Variants in SPACA1 observed in about 807,000 individuals in gnomAD.
SPACA1 encodes the protein sperm acrosome associated 1, also known as sperm acrosome membrane-associated protein 1.
A neutral mutation model predicts 32.6 loss-of-function variants in SPACA1; 17 were observed. The ratio of observed to expected loss-of-function variants is 0.52; its 90% CI spans 0.36 to 0.78. The LOEUF is 0.78. SPACA1 is among the 30% of genes least tolerant of loss of function. The pLI, the probability that SPACA1 is intolerant of heterozygous loss-of-function variation, is 0.01. For missense variants in SPACA1, 363 were observed against 373.4 expected, an observed-to-expected ratio of 0.97 and a Z score of 0.23; for synonymous variants, 140 against 138.1, an observed-to-expected ratio of 1.01 and a Z score of -0.10.
chr6:88,064,257 A>G (rs1340520858), intron 6 of SPACA1, 38 bp downstream of exon 6: 5 of 1,587,526 alleles, frequency 3.1e-6, no homozygotes, highest in African/African-American at 2.7e-5. Context: ...CCCTTGATTG[A>G]CATCCTCTTC....
At chr6:88,053,448 T>A (rs1455584433) in intron 1 of SPACA1, among the ~76,000 whole-genome samples, 1 of 152,204 alleles carries the variant, frequency 6.6e-6, no homozygotes. Context: ...TGAAATAAAT[T>A]CTTAGAAATA....
chr6:88,059,538 A>G lies in SPACA1; in HGVS notation c.560A>G (p.Asp187Gly), dbSNP rs1226571776. ...HPLAFECDTL[D>G]NNEIVATIKF... ...TTGGCTTTCGAGTGTGACACACTGG[A>G]TAATAATGAAATAGTAGCAACTATT... is the stretch of plus-strand genomic sequence containing the variant. Residue 187 changes from aspartate (D) to glycine (G), a missense_variant, in exon 5 of 7, where the codon GAT becomes GGT. Transcript: ENST00000237201. 6.2e-7 allele frequency: 1 copy of G among 1,613,724 alleles called. No individual in the cohort carries two copies. Among genetic ancestry groups the G allele is most frequent in the Non-Finnish European group, 8.5e-7 (1 of 1,179,816 alleles).
chr6:88,054,772 A>G (rs1194991256), intron 2 of SPACA1, among the ~76,000 whole-genome samples: 1 of 152,182 alleles, frequency 6.6e-6, no homozygotes, highest in Non-Finnish European at 1.5e-5. Context: ...GTCAAAAATT[A>G]CACCTGAATT....
intron 1 of SPACA1, among the ~76,000 whole-genome samples, chr6:88,053,188 T>A (rs1361435371): frequency 6.6e-6 from 1 of 152,230 alleles, no homozygotes; most frequent in Non-Finnish European, 1.5e-5. Context: ...TCCAGTTCGA[T>A]GTGTTTTCCA....
intron 2 of SPACA1, among the ~76,000 whole-genome samples, chr6:88,056,760 G>A (rs1324178362): frequency 1.3e-5 from 2 of 152,078 alleles, no homozygotes; most frequent in South Asian, 4.2e-4. Flanking sequence ...TCTTAACATG[G>A]GACACGGTTC....
At chr6:88,049,600 A>C (rs1334706544) in intron 1 of SPACA1, among the ~76,000 whole-genome samples, 1 of 152,216 alleles carries the variant, frequency 6.6e-6, no homozygotes, top group Non-Finnish European at 1.5e-5. Context: ...ATCCCCATTT[A>C]CTATCCAGTG....
At chr6:88,047,382 A>C (rs764490919), upstream of SPACA1, among the ~76,000 whole-genome samples, 4 of 152,236 alleles carry the variant, frequency 2.6e-5, no homozygotes, top group Non-Finnish European at 4.4e-5. Flanking sequence ...AATCCTTCTC[A>C]ATACATCCCA....
rs763340467 is a variant in SPACA1, at chr6:88,059,441, C to G, written c.475-12C>G. 3 of 1,571,982 alleles carry G rather than the reference C, an allele frequency of 1.9e-6. No homozygotes were observed. In the South Asian group the frequency reaches 3.6e-5, roughly 19 times the overall value. Reference sequence around the variant, plus strand: ...AATGTTGATACTTTGTTATTTTTTTCTTTTTAAATAGCAATCCATTATACT... The same window carrying G: ...AATGTTGATACTTTGTTATTTTTTTGTTTTTAAATAGCAATCCATTATACT... On this transcript the variant is annotated splice_polypyrimidine_tract_variant and intron_variant, in intron 4 of 6. Transcript: ENST00000237201.
intron 2 of SPACA1, among the ~76,000 whole-genome samples, chr6:88,056,075 G>A (rs960739401): frequency 2.8e-4 from 43 of 152,236 alleles, no homozygotes; most frequent in African/African-American, 1.0e-3. Flanking sequence ...ACGCTTTCAG[G>A]TTGGCCGTGG....
At chr6:88,049,074 G>C (rs1452669091) in intron 1 of SPACA1, among the ~76,000 whole-genome samples, 1 of 152,164 alleles carries the variant, frequency 6.6e-6, no homozygotes, top group African/African-American at 2.4e-5. Flanking sequence ...AACTGTCTGA[G>C]GTTAACAGTG....
At chr6:88,057,820 T>C (rs1464491633) in intron 3 of SPACA1, 107 bp downstream of exon 3, 1 of 759,036 alleles carries the variant, frequency 1.3e-6, no homozygotes, top group Non-Finnish European at 2.3e-6. Context: ...CCAGTTGACA[T>C]ACTCAAAGGA....
At chr6:88,052,841 A>G (rs1333895104) in intron 1 of SPACA1, among the ~76,000 whole-genome samples, 2 of 152,174 alleles carry the variant, frequency 1.3e-5, no homozygotes, top group Non-Finnish European at 2.9e-5. Context: ...TCTCGGAAAA[A>G]CAAAAACAAA....
At position 88,058,746 on chromosome 6, in the gene SPACA1, G is replaced by A; in HGVS notation, c.398G>A (p.Ser133Asn). ...AAACCAATTTCAGAAAGTCTTGAAA[G>A]TGTTAGATTGGCATGTATTCACACA... Reference protein sequence around the residue: ...WGKPISESLESVRLACIHTSP... With the variant: ...WGKPISESLENVRLACIHTSP... Residue 133 changes from serine to asparagine, a missense_variant, in exon 4 of 7, where the codon AGT (serine) becomes AAT (asparagine). Coordinates refer to ENST00000237201, the MANE Select transcript of SPACA1 (RefSeq NM_030960.3). 2 of 1,613,702 alleles carry A rather than the reference G, an allele frequency of 1.2e-6. No individual in the cohort carries two copies. The highest frequency in any genetic ancestry group is 1.7e-6 in the Non-Finnish European group (2 of 1,179,842).
In SPACA1 at chr6:88,059,648, C is replaced by T. The variant is rs1775862966; in HGVS notation, c.610+60C>T. ...GCCAATCTTTAAAGAGCATTAAAAT[C>T]ACTTAGAGGCTTGTTAAAACACCAG... On this transcript the variant is annotated intron_variant, in intron 5 of 6. Coordinates refer to ENST00000237201, the MANE Select transcript of SPACA1 (RefSeq NM_030960.3). 10 of 1,486,086 alleles carry T rather than the reference C, an allele frequency of 6.7e-6. No homozygotes were observed. The South Asian group carries it at 9.6e-5, about 14-fold the overall frequency. 92.1% of individuals were successfully genotyped at this position (1,486,086 alleles called of 1,614,324 possible).
chr6:88,065,313 ATATT>A (rs1775964800), intron 6 of SPACA1, among the ~76,000 whole-genome samples: 1 of 148,326 alleles, frequency 6.7e-6, no homozygotes, highest in Non-Finnish European at 1.5e-5. Flanking sequence ...GAGGTAATAT[ATATT>A]ATATTTACAT....
chr6:88,058,073 T>G (rs1336882939), intron 3 of SPACA1, among the ~76,000 whole-genome samples: 1 of 152,176 alleles, frequency 6.6e-6, no homozygotes, highest in Admixed American at 6.5e-5. Flanking sequence ...TGACAGCTGT[T>G]CCATATCACA....
chr6:88,057,258 A>C (rs1364172809), intron 2 of SPACA1, among the ~76,000 whole-genome samples: 1 of 152,242 alleles, frequency 6.6e-6, no homozygotes, highest in Non-Finnish European at 1.5e-5. Flanking sequence ...GCGAATGTAC[A>C]CAATAGCATG....
At chr6:88,047,575 C>G (rs952649606), upstream of SPACA1, among the ~76,000 whole-genome samples, 2 of 152,186 alleles carry the variant, frequency 1.3e-5, no homozygotes, top group Non-Finnish European at 2.9e-5. Flanking sequence ...AAGGAGCAGC[C>G]GACAGCAACG....
chr6:88,060,196 C>T (rs536120437), intron 5 of SPACA1, among the ~76,000 whole-genome samples: 2 of 152,100 alleles, frequency 1.3e-5, no homozygotes, highest in Admixed American at 6.5e-5. Context: ...GAGATAGATC[C>T]ATTTGCCTAT....
Sources: allele counts gnomAD v4.1 joint callset (sites outside exome capture counted in the v4.1 genomes callset), GRCh38; gene constraint gnomAD v4.1.1; transcripts MANE v1.5; gene names NCBI Gene and HGNC (gene_info 2026-07-23, HGNC 2026-07-21).